Variants in KCNJ12 observed in about 807,000 individuals in gnomAD.
The protein encoded by KCNJ12 is potassium inwardly rectifying channel subfamily J member 12.
Under a neutral mutation model 22.3 loss-of-function variants are expected in KCNJ12, and 2 were observed. The observed-to-expected ratio is 0.09, with a 90% CI of 0.04 to 0.28. KCNJ12 has a LOEUF of 0.28. Ranked by LOEUF, KCNJ12 falls within the 10% of genes least tolerant of loss-of-function variation. The pLI is 1.00. For synonymous variants in KCNJ12, 117 were observed against 261.4 expected, an observed-to-expected ratio of 0.45 and a Z score of 5.33; for missense variants, 155 against 633.3, an observed-to-expected ratio of 0.24 and a Z score of 8.11.
chr17:21,388,668 G>A (rs1037096152), intron 1 of KCNJ12, among the ~76,000 whole-genome samples: 4 of 152,198 alleles, frequency 2.6e-5, no homozygotes, highest in East Asian at 1.9e-4. Context: ...TAATGAAAAC[G>A]ACTGCTTACC....
chr17:21,413,690 T>A (rs80197024), intron 2 of KCNJ12, among the ~76,000 whole-genome samples: 1 of 152,158 alleles, frequency 6.6e-6, no homozygotes, highest in South Asian at 2.1e-4. Flanking sequence ...GACAGGCCAG[T>A]GTGGGGCCTT....
In KCNJ12 at chr17:21,381,120, A is replaced by G. The variant is rs117458843; in HGVS notation, c.-179+4207A>G. Reference sequence around the variant, plus strand: ...GGGAGCAGTTCCGCCTTGGCTGTGCATTAATGCTGTCCTAGGGTCAGTGGG... The same window carrying G: ...GGGAGCAGTTCCGCCTTGGCTGTGCGTTAATGCTGTCCTAGGGTCAGTGGG... On this transcript the variant is annotated intron_variant, in intron 1 of 2. Coordinates refer to ENST00000583088, the MANE Select transcript of KCNJ12 (RefSeq NM_021012.5). Among the ~76,000 whole-genome samples the G allele has an allele frequency of 3.5e-3, 537 of 152,252 alleles. 24 individuals are homozygous for G. In the East Asian group the frequency reaches 0.087, roughly 25 times the overall value.
chr17:21,379,590 C>CG (rs1567695009), intron 1 of KCNJ12, among the ~76,000 whole-genome samples: 1 of 152,148 alleles, frequency 6.6e-6, no homozygotes, highest in Non-Finnish European at 1.5e-5. Flanking sequence ...GGGCAGCTTG[C>CG]GGGCAGCAGG....
At chr17:21,397,962 T>C (rs999634206) in intron 1 of KCNJ12, among the ~76,000 whole-genome samples, 4 of 152,120 alleles carry the variant, frequency 2.6e-5, no homozygotes, top group Admixed American at 1.3e-4. Flanking sequence ...GGTTTTGTTT[T>C]TTGCCTTTGA....
At chr17:21,385,361 G>C (rs1485549116) in intron 1 of KCNJ12, among the ~76,000 whole-genome samples, 4 of 152,194 alleles carry the variant, frequency 2.6e-5, no homozygotes, top group Admixed American at 1.3e-4. Flanking sequence ...TCTCGTGTCT[G>C]GGCATCTGTT....
intron 1 of KCNJ12, among the ~76,000 whole-genome samples, chr17:21,395,408 G>C (rs1034506705): frequency 1.3e-5 from 2 of 150,802 alleles, no homozygotes; most frequent in Non-Finnish European, 2.9e-5. Context: ...CAACCTGGCT[G>C]ACATGGCAAA....
Position 21,419,802 on chromosome 17 carries a change from A to G in KCNJ12, c.*3158A>G, listed in dbSNP as rs1390764193. On this transcript the variant is annotated 3_prime_UTR_variant, in exon 3 of 3. Coordinates refer to ENST00000583088, the MANE Select transcript of KCNJ12 (RefSeq NM_021012.5). ...CTGGAGAGTTTTCATGTTATTTTCA[A>G]TACATAGCAGTATCTAAAGACGTAG... is the stretch of plus-strand genomic sequence containing the variant. The G allele has an allele frequency of 6.0e-6, 1 of 167,570 alleles. No homozygotes were observed. Among genetic ancestry groups the G allele is most frequent in the African/African-American group, 2.4e-5 (1 of 41,494 alleles). 10.4% of individuals were successfully genotyped at this position (167,570 alleles called of 1,614,324 possible). A position where few individuals can be genotyped will look rare whatever the true frequency, so the allele number is the denominator to read the frequency against.
chr17:21,388,608 T>C (rs1245395153), intron 1 of KCNJ12, among the ~76,000 whole-genome samples: 5 of 152,248 alleles, frequency 3.3e-5, no homozygotes, highest in Non-Finnish European at 7.3e-5. Context: ...GTGCCTTTAT[T>C]TCTCAGGAAG....
chr17:21,384,782 T>G (rs192883595), intron 1 of KCNJ12, among the ~76,000 whole-genome samples: 2,706 of 150,134 alleles, frequency 0.018, 92 homozygotes, highest in African/African-American at 0.063. Context: ...TTTTTTTTTT[T>G]TTTGTTTTGA....
chr17:21,384,845 T>C (rs1420599730), intron 1 of KCNJ12, among the ~76,000 whole-genome samples: 8 of 149,592 alleles, frequency 5.3e-5, no homozygotes, highest in Non-Finnish European at 1.0e-4. Flanking sequence ...CGATCTCAGC[T>C]CACTGCAATC....
At chr17:21,414,928 G>A (rs545640467) in intron 2 of KCNJ12, among the ~76,000 whole-genome samples, 1 of 152,430 alleles carries the variant, frequency 6.6e-6, no homozygotes, top group Admixed American at 6.5e-5. Context: ...GAGACTGGGG[G>A]GCCATGGGCA....
chr17:21,408,836 G>A (rs1156772864), intron 2 of KCNJ12, among the ~76,000 whole-genome samples, 196 bp downstream of exon 2: 10 of 146,012 alleles, frequency 6.8e-5, no homozygotes, highest in Middle Eastern at 3.2e-3. Flanking sequence ...CATGCCATCC[G>A]TTCCTCACCC....
At chr17:21,411,165 C>A in intron 2 of KCNJ12, among the ~76,000 whole-genome samples, 1 of 152,310 alleles carries the variant, frequency 6.6e-6, no homozygotes, top group Non-Finnish European at 1.5e-5. Context: ...CTGAGAAGCC[C>A]AGGGCCTCAG....
rs148164273 is a variant in KCNJ12, at chr17:21,416,480, G to C, written c.1138G>C (p.Glu380Gln). 1 of 1,607,272 alleles carries C rather than the reference G, an allele frequency of 6.2e-7. No homozygotes were observed. Among genetic ancestry groups the C allele is most frequent in the Non-Finnish European group, 8.5e-7 (1 of 1,174,856 alleles). Residue 380 changes from glutamate (E) to glutamine (Q), a missense_variant, in exon 3 of 3, where the codon GAG (glutamate) becomes CAG (glutamine). Coordinates refer to ENST00000583088, the MANE Select transcript of KCNJ12 (RefSeq NM_021012.5). Reference sequence around the variant, plus strand: ...CGCCAACTCCTTCTGCTACGAGAACGAGCTGGCCTTCCTGAGCCGTGACGA... The same window carrying C: ...CGCCAACTCCTTCTGCTACGAGAACCAGCTGGCCTTCCTGAGCCGTGACGA... ...PSANSFCYEN[E>Q]LAFLSRDEED...
chr17:21,409,084 G>A (rs1235258041), intron 2 of KCNJ12, among the ~76,000 whole-genome samples: 7 of 152,428 alleles, frequency 4.6e-5, no homozygotes, highest in African/African-American at 1.4e-4. Context: ...TTTCCTGGGT[G>A]CCCCTCTTTG....
chr17:21,398,442 G>T (rs1045625683), intron 1 of KCNJ12, among the ~76,000 whole-genome samples: 4 of 152,190 alleles, frequency 2.6e-5, no homozygotes, highest in Admixed American at 1.3e-4. Context: ...GCATCCCGAG[G>T]CCAGGCCAGA....
intron 1 of KCNJ12, among the ~76,000 whole-genome samples, chr17:21,392,502 C>T (rs1389692737): frequency 6.6e-6 from 1 of 151,416 alleles, no homozygotes; most frequent in Non-Finnish European, 1.5e-5. Context: ...CCAGCTGGTC[C>T]CCACTACTTA....
At chr17:21,399,687 G>T (rs1905505071) in intron 1 of KCNJ12, among the ~76,000 whole-genome samples, 1 of 152,162 alleles carries the variant, frequency 6.6e-6, no homozygotes, top group Non-Finnish European at 1.5e-5. Context: ...GTCCAAGCCA[G>T]ACTTGGAGTG....
intron 1 of KCNJ12, among the ~76,000 whole-genome samples, chr17:21,407,063 C>T (rs1253652638): frequency 2.0e-5 from 3 of 152,282 alleles, no homozygotes; most frequent in Non-Finnish European, 4.4e-5. Context: ...GTGTGCCCAT[C>T]CACGTAGTTA....
Sources: gnomAD v4.1 joint callset for allele counts (sites outside exome capture counted in the v4.1 genomes callset) on GRCh38, gnomAD v4.1.1 for gene constraint, MANE v1.5 for transcripts, NCBI Gene and HGNC (gene_info 2026-07-23, HGNC 2026-07-21) for gene names.